ASNS: variants seen among roughly 807,000 people sequenced by gnomAD.
The protein encoded by ASNS is asparagine synthetase [glutamine-hydrolyzing].
ASNS carries 37 observed loss-of-function variants against 62.6 expected under a neutral mutation model. The observed-to-expected ratio is 0.59, with a 90% CI of 0.45 to 0.78. The LOEUF (loss-of-function observed/expected upper bound fraction) is 0.78, where lower values mean the gene tolerates loss of function less well. Ranked by LOEUF, ASNS falls within the 30% of genes least tolerant of loss-of-function variation. The pLI, the probability that ASNS is intolerant of heterozygous loss-of-function variation, is 0.00. For synonymous variants in ASNS, 207 were observed against 237.9 expected (o/e 0.87, Z 1.19); for missense variants, 520 against 682.4 (o/e 0.76, Z 2.65).
chr7:97,897,462 A>C, the ASNS span, among the ~76,000 whole-genome samples: 1 of 140,128 alleles, frequency 7.1e-6, no homozygotes, highest in African/African-American at 3.1e-5. Flanking sequence ...AAATAAACAG[A>C]CATTTCTCAA....
At chr7:97,923,599 C>A in the ASNS span, among the ~76,000 whole-genome samples, 24 of 152,186 alleles carry the variant, frequency 1.6e-4, no homozygotes, top group East Asian at 1.5e-3. Context: ...CAGCCTCAAC[C>A]ACTGTCTACC....
chr7:97,871,500 A>AT (rs201755027), intron 1 of ASNS, among the ~76,000 whole-genome samples: 42 of 102,932 alleles, frequency 4.1e-4, no homozygotes, highest in African/African-American at 1.0e-3. Context: ...ATGATTTAAA[A>AT]TTTAAAAAAA....
chr7:97,889,376 G>C, the ASNS span, among the ~76,000 whole-genome samples: 4 of 152,162 alleles, frequency 2.6e-5, no homozygotes, highest in African/African-American at 9.7e-5. Flanking sequence ...AATTAGCTGC[G>C]CATGGTTGTA....
intron 4 of ASNS, among the ~76,000 whole-genome samples, chr7:97,862,610 A>G (rs1196308930): frequency 6.6e-6 from 1 of 152,192 alleles, no homozygotes; most frequent in South Asian, 2.1e-4. Context: ...TATGTAAACT[A>G]TGAACTTCAG....
chr7:97,899,379 T>C, the ASNS span, among the ~76,000 whole-genome samples: 1 of 152,116 alleles, frequency 6.6e-6, no homozygotes, highest in Admixed American at 6.5e-5. Context: ...CACCACAGCC[T>C]CCCAAAGCAC....
the ASNS span, among the ~76,000 whole-genome samples, chr7:97,911,896 A>C: frequency 6.6e-6 from 1 of 152,170 alleles, no homozygotes; most frequent in Non-Finnish European, 1.5e-5. Flanking sequence ...GACCTTCCTC[A>C]CTAGTAAATG....
chr7:97,911,199 A>C, the ASNS span, among the ~76,000 whole-genome samples: 1 of 152,116 alleles, frequency 6.6e-6, no homozygotes, highest in African/African-American at 2.4e-5. Flanking sequence ...ACTGTAAACT[A>C]TTTTGTAAAT....
Position 97,859,421 on chromosome 7 carries a change from T to C in ASNS, c.488-23A>G, listed in dbSNP as rs7797354. The C allele has an allele frequency of 0.38, 596,766 of 1,568,808 alleles. 115,237 individuals are homozygous for C. Among genetic ancestry groups the C allele is most frequent in the East Asian group, 0.56 (24,948 of 44,262 alleles). On this transcript the variant is annotated intron_variant, in intron 4 of 12. Transcript: ENST00000394308. Reference sequence around the variant, plus strand: ...GACCTAGAAATTCACAATGATACCTTTATTCAAATTAGGTAACCCTTCCCA... The same window carrying C: ...GACCTAGAAATTCACAATGATACCTCTATTCAAATTAGGTAACCCTTCCCA...
At chr7:97,896,058 A>G in the ASNS span, among the ~76,000 whole-genome samples, 8 of 151,570 alleles carry the variant, frequency 5.3e-5, no homozygotes, top group Admixed American at 2.0e-4. Flanking sequence ...TGAGAAGGAC[A>G]CAAACAAATG....
intron 3 of ASNS, 22 bp from the exon 4 acceptor site, chr7:97,864,518 C>A: frequency 6.4e-7 from 1 of 1,557,346 alleles, no homozygotes; most frequent in South Asian, 1.1e-5. Flanking sequence ...AAAGCAAAAC[C>A]AAAATGTTAG....
chr7:97,908,823 G>A, the ASNS span: 14 of 152,060 alleles, frequency 9.2e-5, no homozygotes, highest in South Asian at 4.1e-4. Flanking sequence ...TGACAAACTC[G>A]TTGAAATGTC....
intron 4 of ASNS, among the ~76,000 whole-genome samples, chr7:97,862,911 C>T: frequency 6.6e-6 from 1 of 152,304 alleles, no homozygotes; most frequent in East Asian, 1.9e-4. Context: ...CTGGACATCA[C>T]TGTCAACAGG....
At chr7:97,856,556 G>C in intron 8 of ASNS, 134 bp downstream of exon 8, 1 of 795,366 alleles carries the variant, frequency 1.3e-6, no homozygotes, top group Non-Finnish European at 1.9e-6. Context: ...TAAATAATCA[G>C]TAACATAGGG....
At chr7:97,900,291 G>A in the ASNS span, among the ~76,000 whole-genome samples, 2 of 143,560 alleles carry the variant, frequency 1.4e-5, no homozygotes, top group African/African-American at 5.2e-5. Context: ...GAATCTGGAG[G>A]CAGAGGTTGC....
the ASNS span, among the ~76,000 whole-genome samples, chr7:97,922,575 AT>A: frequency 6.6e-6 from 1 of 152,066 alleles, no homozygotes; most frequent in Non-Finnish European, 1.5e-5. Context: ...AAGAGAGCAG[AT>A]TTTTTAAGTG....
chr7:97,894,611 T>C, the ASNS span, among the ~76,000 whole-genome samples: 2 of 151,256 alleles, frequency 1.3e-5, no homozygotes, highest in African/African-American at 2.4e-5. Context: ...GGCTAACAAA[T>C]TGGAAAACCT....
At chr7:97,887,194 A>G in the ASNS span, among the ~76,000 whole-genome samples, 59 of 152,338 alleles carry the variant, frequency 3.9e-4, no homozygotes, top group African/African-American at 1.4e-3. Context: ...AAAGCAAGTC[A>G]TCCATGACCA....
At chr7:97,927,077 T>A in the ASNS span, among the ~76,000 whole-genome samples, 81 of 119,252 alleles carry the variant, frequency 6.8e-4, 2 homozygotes, top group African/African-American at 3.3e-3. Context: ...CTGGCTTTTT[T>A]TTTTTTTTTT....
upstream of ASNS, among the ~76,000 whole-genome samples, chr7:97,873,560 T>C (rs1792371839): frequency 6.6e-6 from 1 of 152,244 alleles, no homozygotes; most frequent in Non-Finnish European, 1.5e-5. Flanking sequence ...GACTTTGCTG[T>C]ATCCTAATTG....
Sources: gnomAD v4.1 joint callset for allele counts (sites outside exome capture counted in the v4.1 genomes callset) on GRCh38, gnomAD v4.1.1 for gene constraint, MANE v1.5 for transcripts, NCBI Gene and HGNC (gene_info 2026-07-23, HGNC 2026-07-21) for gene names.